Variants in KIR2DL4 observed in about 807,000 individuals in gnomAD.
KIR2DL4 encodes killer cell immunoglobulin like receptor, two Ig domains and long cytoplasmic tail 4.
A neutral mutation model predicts 31.0 loss-of-function variants in KIR2DL4; 41 were observed. The observed-to-expected ratio is 1.32, with a 90% CI of 1.03 to 1.72. The LOEUF is 1.72. Ranked by LOEUF, KIR2DL4 falls within the 40% of genes most tolerant of loss-of-function variation. The pLI is 0.00. For missense variants in KIR2DL4, 438 were observed against 353.7 expected (o/e 1.24, Z -1.91); for synonymous variants, 164 against 133.6 (o/e 1.23, Z -1.57).
chr19:54,807,457 C>T (rs2060595235), intron 4 of KIR2DL4, among the ~76,000 whole-genome samples: 2 of 151,202 alleles, frequency 1.3e-5, no homozygotes, highest in East Asian at 3.9e-4. Flanking sequence ...GTTTTTTTGA[C>T]ATAGCGTTTC....
chr19:54,813,293 C>T, intron 6 of KIR2DL4: 1 of 1,594,386 alleles, frequency 6.3e-7, no homozygotes, highest in Non-Finnish European at 8.5e-7. Context: ...TGGGAGCACG[C>T]AGGTGTGTGT....
At position 54,806,178 on chromosome 19, in the gene KIR2DL4, G is replaced by A. The variant is rs562937136; in HGVS notation, c.589G>A (p.Gly197Ser). The A allele has an allele frequency of 1.2e-3, 1,919 of 1,611,466 alleles. 87 individuals carry two copies. The African/African-American group carries it at 0.022, about 19-fold the overall frequency. ...CCACGGAGAGACCTACAGATGCTTCGGCTCTTTCCATGGATCTCCCTACGA... is the reference window on the plus strand; with the variant it reads ...CCACGGAGAGACCTACAGATGCTTCAGCTCTTTCCATGGATCTCCCTACGA... Residue 197 changes from glycine (G) to serine (S), a missense_variant, in exon 4 of 8, where the codon GGC (glycine) becomes AGC (serine). Physicochemically the swap from Gly to Ser is moderately conservative, Grantham distance 56. Transcript: ENST00000359085.
chr19:54,803,613 C>G lies in KIR2DL4; in HGVS notation c.-39C>G. The G allele has an allele frequency of 3.1e-6, 5 of 1,611,908 alleles. 1 individual carries two copies. Among genetic ancestry groups the G allele is most frequent in the South Asian group, 2.2e-5 (2 of 90,604 alleles). On this transcript the variant is annotated 5_prime_UTR_variant, in exon 1 of 8. Coordinates refer to ENST00000359085, the Ensembl canonical transcript of KIR2DL4. ...CACCACATCCTCTGCACCGGTCAGT[C>G]GAGCCGAGTCACTGCGTCCTGGCAG...
In KIR2DL4 at chr19:54,804,808, C is replaced by G; in HGVS notation, c.92C>G (p.Pro31Arg). 2 of 1,612,126 alleles carry G rather than the reference C, an allele frequency of 1.2e-6. 1 individual carries two copies. The highest frequency in any genetic ancestry group is 2.2e-5 in the South Asian group (2 of 90,620). The change falls in exon 3 of 8, where the codon CCC becomes CGC. Residue 31 changes from proline (P) to arginine (R), a missense_variant. By Grantham distance (103) the Pro-to-Arg change is moderately radical. Coordinates refer to ENST00000359085, the Ensembl canonical transcript of KIR2DL4. The stretch of plus-strand genomic sequence containing the variant: ...TCTCCCCAAGGTGGTCAGGACAAGC[C>G]CTTCTGCTCTGCCTGGCCCAGCGCT...
intron 5 of KIR2DL4, among the ~76,000 whole-genome samples, chr19:54,810,426 C>T (rs763262537): frequency 6.6e-6 from 1 of 151,318 alleles, no homozygotes; most frequent in Admixed American, 6.6e-5. Flanking sequence ...GGCGCCGAGC[C>T]GTATTTTAAA....
At chr19:54,807,322 G>A (rs1445180795) in intron 4 of KIR2DL4, among the ~76,000 whole-genome samples, 1 of 151,348 alleles carries the variant, frequency 6.6e-6, no homozygotes, top group Non-Finnish European at 1.5e-5. Context: ...AACAGTGCTG[G>A]AACAGTCATG....
exon 8 of KIR2DL4, chr19:54,813,918 C>T: frequency 1.2e-6 from 2 of 1,612,492 alleles, no homozygotes; most frequent in South Asian, 2.2e-5. Flanking sequence ...AGAAAAATCA[C>T]TGGCCCTTCT....
chr19:54,813,624 T>A, intron 6 of KIR2DL4, 66 bp from the exon 6 acceptor site: 2 of 1,515,310 alleles, frequency 1.3e-6, no homozygotes, highest in Non-Finnish European at 1.8e-6. Flanking sequence ...TGTGTTGGTA[T>A]CTGTTCATGA....
chr19:54,806,364 G>A, intron 4 of KIR2DL4, 120 bp downstream of exon 4: 1 of 1,176,978 alleles, frequency 8.5e-7, no homozygotes, highest in Non-Finnish European at 1.2e-6. Context: ...CATGGTGTGA[G>A]GGTGGGATCA....
Position 54,805,151 on chromosome 19 carries a change from C to T in KIR2DL4, c.361+74C>T, listed in dbSNP as rs1231931709. 34 of 1,428,232 alleles carry T rather than the reference C, an allele frequency of 2.4e-5. 2 individuals carry two copies. The East Asian group carries it at 6.9e-4, about 29-fold the overall frequency. 88.5% of individuals were successfully genotyped at this position (1,428,232 alleles called of 1,614,324 possible). On this transcript the variant is annotated intron_variant, in intron 3 of 7. Coordinates refer to ENST00000359085, the Ensembl canonical transcript of KIR2DL4. ...CAGAGCTTCTGGTGGGGGTGTCCAC[C>T]AGAGTCCGATCATCCAGGCCCCAAC...
chr19:54,809,026 C>G (rs200439905), intron 5 of KIR2DL4, 143 bp downstream of exon 5: 28,612 of 764,922 alleles, frequency 0.037, 1,241 homozygotes, highest in East Asian at 0.11. Context: ...ACTCCAACAG[C>G]GAAAGGGATC....
chr19:54,803,828 G>T, intron 1 of KIR2DL4, 63 bp from the exon 2 acceptor site: 5 of 1,572,974 alleles, frequency 3.2e-6, no homozygotes, highest in Non-Finnish European at 4.4e-6. Flanking sequence ...GGCGCCCAGT[G>T]GCTCAGGAGG....
chr19:54,813,730 A>C, exon 7 of KIR2DL4: 1 of 1,612,016 alleles, frequency 6.2e-7, no homozygotes, highest in East Asian at 2.2e-5. Flanking sequence ...GACACAGAAC[A>C]GTGAACAGGG....
intron 4 of KIR2DL4, among the ~76,000 whole-genome samples, chr19:54,807,519 C>A (rs1428228431): frequency 1.3e-5 from 2 of 150,952 alleles, no homozygotes. Flanking sequence ...CTCACTGCAA[C>A]CTCTACCTCC....
rs112947751 is a variant in KIR2DL4, at chr19:54,807,739, C to A, written c.656-1094C>A. On this transcript the variant is annotated intron_variant, in intron 4 of 7. Coordinates refer to ENST00000359085, the Ensembl canonical transcript of KIR2DL4. ...AAGCGTGAGACACAGTGCCTAATCTCTTTTTAGTTTTTAAGGAACTTCCAT... is the reference window on the plus strand; with the variant it reads ...AAGCGTGAGACACAGTGCCTAATCTATTTTTAGTTTTTAAGGAACTTCCAT... Among the ~76,000 whole-genome samples, 346 of 149,214 alleles carry A rather than the reference C, an allele frequency of 2.3e-3. 10 individuals are homozygous for A. Among genetic ancestry groups the A allele is most frequent in the African/African-American group, 8.3e-3 (331 of 39,808 alleles).
intron 3 of KIR2DL4, among the ~76,000 whole-genome samples, chr19:54,805,744 C>G: frequency 6.6e-6 from 1 of 150,954 alleles, no homozygotes; most frequent in East Asian, 1.9e-4. Context: ...GGTTGGCTAC[C>G]CTGAGATCAG....
intron 6 of KIR2DL4, among the ~76,000 whole-genome samples, 173 bp from the exon 6 acceptor site, chr19:54,813,517 G>A (rs1221572562): frequency 4.6e-5 from 7 of 151,114 alleles, no homozygotes; most frequent in Non-Finnish European, 8.8e-5. Context: ...GGAACTGACA[G>A]CTATTCATGG....
rs1469524260 is a variant in KIR2DL4 at position 54,813,064 on chromosome 19, G to C, written c.707-61G>C. 3 of 1,273,892 alleles carry C rather than the reference G, an allele frequency of 2.4e-6. No homozygotes were observed. In the African/African-American group the frequency reaches 5.4e-5, roughly 23 times the overall value. 78.9% of individuals were successfully genotyped at this position (1,273,892 alleles called of 1,614,324 possible). A position where few individuals can be genotyped will look rare whatever the true frequency, so the allele number is the denominator to read the frequency against. On this transcript the variant is annotated intron_variant, in intron 5 of 7. Coordinates refer to ENST00000359085, the Ensembl canonical transcript of KIR2DL4. ...GTTGCCTGGCAACCAAGAAATGAGAGACAATCCACAAAGAGGAACTGCTAT... is the reference window on the plus strand; with the variant it reads ...GTTGCCTGGCAACCAAGAAATGAGACACAATCCACAAAGAGGAACTGCTAT...
At chr19:54,811,859 C>A (rs2060885027) in intron 5 of KIR2DL4, among the ~76,000 whole-genome samples, 1 of 151,180 alleles carries the variant, frequency 6.6e-6, no homozygotes, top group Non-Finnish European at 1.5e-5. Flanking sequence ...TGGTCTTTCC[C>A]CCAGACTCTC....
Sources: allele counts gnomAD v4.1 joint callset (sites outside exome capture counted in the v4.1 genomes callset), GRCh38; gene constraint gnomAD v4.1.1; transcripts MANE v1.5; gene names NCBI Gene and HGNC (gene_info 2026-07-23, HGNC 2026-07-21).